Variants in PLEKHM3 observed in about 807,000 individuals in gnomAD.
PLEKHM3 encodes the protein pleckstrin homology domain containing M3.
PLEKHM3 carries 45 observed loss-of-function variants against 81.8 expected under a neutral mutation model. The ratio of observed to expected loss-of-function variants is 0.55; its 90% confidence interval spans 0.43 to 0.71. The LOEUF (loss-of-function observed/expected upper bound fraction) is 0.71. Ranked by LOEUF, PLEKHM3 falls within the 30% of genes least tolerant of loss-of-function variation. The probability of loss-of-function intolerance (pLI) is 0.00; values close to 1 mark genes in which losing one functional copy is unlikely to be tolerated. For synonymous variants in PLEKHM3, 352 were observed against 356.4 expected (o/e 0.99, Z 0.14); for missense variants, 788 against 924.3 (o/e 0.85, Z 1.91).
In PLEKHM3 at chr2:208,010,874, G is replaced by A. The variant is rs544234367; in HGVS notation, c.-318-8917C>T. On this transcript the variant is annotated intron_variant, in intron 1 of 7. Coordinates refer to ENST00000427836, the MANE Select transcript of PLEKHM3 (RefSeq NM_001080475.3). ...CAAAACTAAAACTGAGTTAATCTCA[G>A]GAAAAAATCACTTGGTTTTTACAGA... Among the ~76,000 whole-genome samples, 5 of 152,040 alleles carry A rather than the reference G, an allele frequency of 3.3e-5. No homozygotes were observed. The South Asian group carries it at 8.3e-4, about 25-fold the overall frequency.
At chr2:207,881,465 T>C (rs1285869750) in intron 6 of PLEKHM3, among the ~76,000 whole-genome samples, 1 of 152,170 alleles carries the variant, frequency 6.6e-6, no homozygotes, top group African/African-American at 2.4e-5. Context: ...ACTCCTGTTT[T>C]ATAGATGAGG....
Position 207,964,666 on chromosome 2 carries a change from T to A in PLEKHM3, c.1546+11985A>T, listed in dbSNP as rs531504251. On this transcript the variant is annotated intron_variant, in intron 3 of 7. Coordinates refer to ENST00000427836, the MANE Select transcript of PLEKHM3 (RefSeq NM_001080475.3). The stretch of plus-strand genomic sequence containing the variant: ...GTACAATGCAGAACCATAACGAACA[T>A]GGTCAAACATCAGCTGTCCTCCTGA... Among the ~76,000 whole-genome samples the A allele has an allele frequency of 4.6e-5, 7 of 152,292 alleles. No homozygotes were observed. The East Asian group carries it at 1.2e-3, about 25-fold the overall frequency.
chr2:207,895,355 C>G (rs1255176926), intron 6 of PLEKHM3, among the ~76,000 whole-genome samples: 1 of 152,176 alleles, frequency 6.6e-6, no homozygotes, highest in African/African-American at 2.4e-5. Flanking sequence ...CAGTCCCTGT[C>G]CCCAGCAGGC....
At chr2:207,972,054 A>G (rs1691139765) in intron 3 of PLEKHM3, among the ~76,000 whole-genome samples, 1 of 152,214 alleles carries the variant, frequency 6.6e-6, no homozygotes, top group Admixed American at 6.5e-5. Context: ...ACATTCACTG[A>G]TGTGATTATT....
At chr2:207,830,665 T>C (rs1291970423) in intron 7 of PLEKHM3, among the ~76,000 whole-genome samples, 1 of 148,676 alleles carries the variant, frequency 6.7e-6, no homozygotes, top group Admixed American at 6.7e-5. Flanking sequence ...TCCAAGCTCA[T>C]AAGTGTCCTT....
rs558581931 is a variant in PLEKHM3, at chr2:207,978,253, G to A, written c.611-667C>T. ...GAACAACTGTGACTAGTTATGCCTT[G>A]TGAATCTAGGAACCAATCACGCTTT... On this transcript the variant is annotated intron_variant, in intron 2 of 7. Transcript: ENST00000427836. 3.9e-5 allele frequency among the ~76,000 whole-genome samples: 6 copies of A among 152,172 alleles called. No homozygotes were observed. The South Asian group carries it at 1.2e-3, about 32-fold the overall frequency.
At chr2:207,983,578 C>G (rs895561444) in intron 2 of PLEKHM3, among the ~76,000 whole-genome samples, 1 of 112,604 alleles carries the variant, frequency 8.9e-6, no homozygotes, top group African/African-American at 3.3e-5. Context: ...AAGACAAATT[C>G]CCCATGAAAA....
chr2:207,969,965 T>A (rs1420394369), intron 3 of PLEKHM3, among the ~76,000 whole-genome samples: 1 of 152,292 alleles, frequency 6.6e-6, no homozygotes, highest in South Asian at 2.1e-4. Flanking sequence ...AATAAAGAAC[T>A]AAAAAGCACA....
At chr2:207,982,849 A>G (rs1011751555) in intron 2 of PLEKHM3, among the ~76,000 whole-genome samples, 3 of 152,104 alleles carry the variant, frequency 2.0e-5, no homozygotes, top group African/African-American at 7.2e-5. Flanking sequence ...AAGTGCTGGG[A>G]TTACAGGCAT....
At chr2:207,982,946 T>C (rs1417127547) in intron 2 of PLEKHM3, among the ~76,000 whole-genome samples, 1 of 152,056 alleles carries the variant, frequency 6.6e-6, no homozygotes, top group African/African-American at 2.4e-5. Flanking sequence ...ATAATACATA[T>C]AACATACAAA....
At chr2:207,833,145 C>T (rs1559199553) in intron 7 of PLEKHM3, among the ~76,000 whole-genome samples, 1 of 151,754 alleles carries the variant, frequency 6.6e-6, no homozygotes, top group African/African-American at 2.4e-5. Flanking sequence ...ATTCATTGGC[C>T]CCCCTGAGTA....
rs569686730 is a variant in PLEKHM3, at chr2:207,950,374, T to C, written c.1547-3862A>G. Among the ~76,000 whole-genome samples, 3 of 152,322 alleles carry C rather than the reference T, an allele frequency of 2.0e-5. No individual in the cohort carries two copies. The South Asian group carries it at 6.2e-4, about 32-fold the overall frequency. On this transcript the variant is annotated intron_variant, in intron 3 of 7. Transcript: ENST00000427836. ...CACCACTGTGACCCTGACCATCAAATTATCTAGGCCTTGCTTCCTCACCAC... is the reference window on the plus strand; with the variant it reads ...CACCACTGTGACCCTGACCATCAAACTATCTAGGCCTTGCTTCCTCACCAC...
chr2:207,930,713 AT>A (rs1357870979), intron 5 of PLEKHM3, among the ~76,000 whole-genome samples: 2 of 152,122 alleles, frequency 1.3e-5, no homozygotes, highest in African/African-American at 2.4e-5. Flanking sequence ...GGTGAATGTT[AT>A]TTTCATTTTG....
At chr2:208,016,601 G>A (rs1170828693) in intron 1 of PLEKHM3, among the ~76,000 whole-genome samples, 2 of 143,694 alleles carry the variant, frequency 1.4e-5, no homozygotes, top group Non-Finnish European at 3.0e-5. Flanking sequence ...AGTGAGCCGA[G>A]ACCGAGCCAC....
At chr2:207,955,801 A>G (rs765818519) in intron 3 of PLEKHM3, among the ~76,000 whole-genome samples, 24 of 152,390 alleles carry the variant, frequency 1.6e-4, no homozygotes, top group Admixed American at 3.3e-4. Flanking sequence ...ATTTACATAA[A>G]AGAACATAAT....
At chr2:207,970,342 G>A (rs1226614102) in intron 3 of PLEKHM3, among the ~76,000 whole-genome samples, 1 of 150,952 alleles carries the variant, frequency 6.6e-6, no homozygotes, top group Non-Finnish European at 1.5e-5. Flanking sequence ...CCCCACCCCA[G>A]GTCCTAACAA....
chr2:207,963,579 A>T (rs957533955), intron 3 of PLEKHM3, among the ~76,000 whole-genome samples: 7 of 152,220 alleles, frequency 4.6e-5, no homozygotes, highest in African/African-American at 1.7e-4. Flanking sequence ...CAGCAAATAA[A>T]GTGAGGGAGG....
intron 2 of PLEKHM3, among the ~76,000 whole-genome samples, chr2:207,987,600 C>T (rs1691771841): frequency 6.6e-6 from 1 of 152,138 alleles, no homozygotes; most frequent in Admixed American, 6.6e-5. Context: ...TATGCATTTG[C>T]CCTCTGGTTT....
chr2:208,011,977 T>C (rs186137501), intron 1 of PLEKHM3, among the ~76,000 whole-genome samples: 2 of 151,898 alleles, frequency 1.3e-5, no homozygotes, highest in East Asian at 3.9e-4. Context: ...TTTGTATTTT[T>C]AGTAGAGATG....
Sources: allele counts gnomAD v4.1 joint callset (sites outside exome capture counted in the v4.1 genomes callset), GRCh38; gene constraint gnomAD v4.1.1; transcripts MANE v1.5; gene names NCBI Gene and HGNC (gene_info 2026-07-23, HGNC 2026-07-21).